Variants in PHKB observed in about 807,000 individuals in gnomAD.
The protein encoded by PHKB is phosphorylase kinase regulatory subunit beta, also known as phosphorylase b kinase regulatory subunit beta.
PHKB carries 122 observed loss-of-function variants against 152.1 expected under a neutral mutation model. The ratio of observed to expected loss-of-function variants is 0.80; its 90% CI spans 0.69 to 0.93. The LOEUF (loss-of-function observed/expected upper bound fraction) is 0.93. Ranked by LOEUF, PHKB falls within the 40% of genes least tolerant of loss-of-function variation. The pLI, the probability that PHKB is intolerant of heterozygous loss-of-function variation, is 0.00. For synonymous variants in PHKB, 436 were observed against 464.9 expected, an observed-to-expected ratio of 0.94 and a Z score of 0.80; for missense variants, 1,304 against 1,328.4, an observed-to-expected ratio of 0.98 and a Z score of 0.29.
At chr16:47,501,743 T>A (rs1970328194) in intron 3 of PHKB, among the ~76,000 whole-genome samples, 1 of 152,208 alleles carries the variant, frequency 6.6e-6, no homozygotes, top group Admixed American at 6.5e-5. Context: ...AAATAAAATG[T>A]TTACAGGAAA....
At chr16:47,588,559 C>T (rs1265582226) in intron 9 of PHKB, among the ~76,000 whole-genome samples, 1 of 152,108 alleles carries the variant, frequency 6.6e-6, no homozygotes. Flanking sequence ...CTAATTTACT[C>T]AACTAATTGT....
intron 26 of PHKB, among the ~76,000 whole-genome samples, chr16:47,687,286 A>G (rs1973981506): frequency 6.6e-6 from 1 of 152,238 alleles, no homozygotes; most frequent in Non-Finnish European, 1.5e-5. Flanking sequence ...TGAGTAGTTT[A>G]TTGTAACTAA....
intron 9 of PHKB, 27 bp from the exon 10 acceptor site, chr16:47,588,878 A>T: frequency 6.3e-7 from 1 of 1,588,958 alleles, no homozygotes; most frequent in Non-Finnish European, 8.6e-7. Flanking sequence ...GTGGACACTC[A>T]CAGTCTCTCT....
chr16:47,463,881 G>A (rs903386579), intron 1 of PHKB: 1 of 1,600,292 alleles, frequency 6.2e-7, no homozygotes, highest in African/African-American at 1.3e-5. Context: ...TTACTAAACA[G>A]TTTTAAAATT....
chr16:47,599,078 G>T (rs1210234136), intron 13 of PHKB: 1 of 580,016 alleles, frequency 1.7e-6, no homozygotes, highest in Non-Finnish European at 3.0e-6. Context: ...GTTATCTCTG[G>T]TTAGAATGTT....
chr16:47,589,456 G>A (rs1971990739), intron 10 of PHKB, among the ~76,000 whole-genome samples: 1 of 152,128 alleles, frequency 6.6e-6, no homozygotes, highest in Non-Finnish European at 1.5e-5. Flanking sequence ...TCAGTCCTAT[G>A]TTTGCCTGAT....
intron 14 of PHKB, among the ~76,000 whole-genome samples, chr16:47,639,038 G>A (rs933545811): frequency 3.9e-5 from 6 of 152,132 alleles, no homozygotes; most frequent in Non-Finnish European, 8.8e-5. Flanking sequence ...ACTTTGGGAG[G>A]CCAGTGTGGG....
rs562327230 is a variant in PHKB at position 47,599,130 on chromosome 16, T to C, written c.1363+2599T>C. Reference sequence around the variant, plus strand: ...CATAATTACAAAGAAGCTTTGTTGTTACAGTTAAGTAAAACATATTTTAGT... The same window carrying C: ...CATAATTACAAAGAAGCTTTGTTGTCACAGTTAAGTAAAACATATTTTAGT... On this transcript the variant is annotated intron_variant, in intron 13 of 30. Coordinates refer to ENST00000323584, the MANE Select transcript of PHKB (RefSeq NM_000293.3). The C allele has an allele frequency of 9.9e-5, 47 of 476,562 alleles. No individual in the cohort carries two copies. In the East Asian group the frequency reaches 1.6e-3, roughly 16 times the overall value. The allele number at this position is 476,562 out of a possible 1,614,324, so 29.5% of individuals were successfully genotyped here.
chr16:47,547,733 A>G (rs1432380099), intron 7 of PHKB, 185 bp downstream of exon 7: 5 of 555,812 alleles, frequency 9.0e-6, no homozygotes, highest in East Asian at 3.2e-5. Context: ...CAGTACCCAT[A>G]AACAGATGCA....
intron 16 of PHKB, among the ~76,000 whole-genome samples, chr16:47,645,611 CT>C (rs1973102907): frequency 6.7e-6 from 1 of 150,012 alleles, no homozygotes; most frequent in South Asian, 2.1e-4. Context: ...GTTTTGGTTA[CT>C]GTAGCCTTGT....
intron 7 of PHKB, among the ~76,000 whole-genome samples, chr16:47,575,597 C>A (rs1971736042): frequency 6.6e-6 from 1 of 152,102 alleles, no homozygotes; most frequent in Admixed American, 6.5e-5. Context: ...ACTAAACTAA[C>A]TCAGAAAGAG....
At position 47,698,601 on chromosome 16, in the gene PHKB, C is replaced by CTTTTTTTTTTTTTTTTT; in HGVS notation, c.3144+18_3144+34dup. ...AATTGAAAAACAAGTAAGTACACAG[C>CTTTTTTTTTTTTTTTTT]TTTTTTTTTTTTTTTTTTTTTGAGA... On this transcript the variant is annotated intron_variant, in intron 30 of 30. Coordinates refer to ENST00000323584, the MANE Select transcript of PHKB (RefSeq NM_000293.3). 2.7e-6 allele frequency: 2 copies of CTTTTTTTTTTTTTTTTT among 730,288 alleles called. No homozygotes were observed. The highest frequency in any genetic ancestry group is 4.9e-5 in the Admixed American group (1 of 20,240). 45.2% of individuals were successfully genotyped at this position (730,288 alleles called of 1,614,324 possible).
At chr16:47,620,605 G>A (rs563683785) in intron 14 of PHKB, among the ~76,000 whole-genome samples, 1 of 152,298 alleles carries the variant, frequency 6.6e-6, no homozygotes, top group Admixed American at 6.5e-5. Context: ...GCCGGGCATG[G>A]TGGCTCACGC....
chr16:47,584,768 C>T (rs541469201), intron 8 of PHKB, among the ~76,000 whole-genome samples: 9 of 152,290 alleles, frequency 5.9e-5, no homozygotes, highest in African/African-American at 2.2e-4. Flanking sequence ...ATGTGAAGAT[C>T]ATGTACGATA....
At chr16:47,542,061 A>G (rs1971069791) in intron 6 of PHKB, among the ~76,000 whole-genome samples, 1 of 152,218 alleles carries the variant, frequency 6.6e-6, no homozygotes, top group Admixed American at 6.5e-5. Flanking sequence ...TTAGTCATTA[A>G]GTCCTTGCCC....
At chr16:47,544,104 C>T (rs923494829) in intron 6 of PHKB, among the ~76,000 whole-genome samples, 4 of 152,032 alleles carry the variant, frequency 2.6e-5, no homozygotes, top group African/African-American at 9.7e-5. Context: ...CTGCTCTGAT[C>T]TTAGTTATTT....
At chr16:47,481,351 C>G (rs1459819578) in intron 1 of PHKB, among the ~76,000 whole-genome samples, 2 of 152,202 alleles carry the variant, frequency 1.3e-5, no homozygotes, top group South Asian at 4.1e-4. Context: ...GCTCTTCCCT[C>G]TGGCATGGTT....
At chr16:47,677,753 A>G (rs1722111142) in intron 26 of PHKB, among the ~76,000 whole-genome samples, 1 of 151,990 alleles carries the variant, frequency 6.6e-6, no homozygotes, top group Admixed American at 6.6e-5. Context: ...GCTTAGTTAA[A>G]TGCACAAAAT....
intron 6 of PHKB, among the ~76,000 whole-genome samples, chr16:47,519,340 T>C (rs1208728398): frequency 1.3e-5 from 2 of 152,204 alleles, no homozygotes; most frequent in African/African-American, 4.8e-5. Flanking sequence ...GATTAAACAT[T>C]TATTATTTCA....
Sources: gnomAD v4.1 joint callset for allele counts (sites outside exome capture counted in the v4.1 genomes callset) on GRCh38, gnomAD v4.1.1 for gene constraint, MANE v1.5 for transcripts, NCBI Gene and HGNC (gene_info 2026-07-23, HGNC 2026-07-21) for gene names.